CAMKV: variants seen among roughly 807,000 people sequenced by gnomAD.
CAMKV encodes CaM kinase like vesicle associated.
Under a neutral mutation model 50.2 loss-of-function variants are expected in CAMKV, and 5 were observed. That is an observed-to-expected ratio of 0.10 (90% CI 0.05 to 0.21). The LOEUF is 0.21. Ranked by LOEUF, CAMKV falls within the 10% of genes least tolerant of loss-of-function variation. CAMKV has a pLI of 1.00. For missense variants in CAMKV, 361 were observed against 650.5 expected, an observed-to-expected ratio of 0.55 and a Z score of 4.84; for synonymous variants, 229 against 250.1, an observed-to-expected ratio of 0.92 and a Z score of 0.80.
chr3:49,868,413 T>A (rs1226142646), intron 1 of CAMKV, among the ~76,000 whole-genome samples: 1 of 152,092 alleles, frequency 6.6e-6, no homozygotes, highest in African/African-American at 2.4e-5. Flanking sequence ...AGAAACAGGA[T>A]AACCACACAG....
chr3:49,862,398 C>G lies in CAMKV; in HGVS notation c.-10G>C, dbSNP rs200978033. On this transcript the variant is annotated 5_prime_UTR_variant, in exon 2 of 11. Coordinates refer to ENST00000477224, the MANE Select transcript of CAMKV (RefSeq NM_024046.5). The surrounding 1 kb of genome is among the most constrained non-coding windows in gnomAD (Gnocchi z 5.2). ...CACACCCAAACGGCATTGCCAGGCT[C>G]TAACCTGCGGGCACAATGGGGTCTG... The G allele has an allele frequency of 1.4e-5, 23 of 1,613,336 alleles. No individual in the cohort carries two copies. The African/African-American group carries it at 2.7e-4, about 19-fold the overall frequency.
Position 49,860,430 on chromosome 3 carries a change from G to T in CAMKV, c.854+41C>A. 6.2e-7 allele frequency: 1 copy of T among 1,603,018 alleles called. No individual in the cohort carries two copies. Among genetic ancestry groups the T allele is most frequent in the South Asian group, 1.1e-5 (1 of 89,814 alleles). On this transcript the variant is annotated intron_variant, in intron 9 of 10. Coordinates refer to ENST00000477224, the MANE Select transcript of CAMKV (RefSeq NM_024046.5). This position sits in a 1 kb window ranked among gnomAD's most constrained non-coding sequence, Gnocchi z 6.1. Reference sequence around the variant, plus strand: ...AAAGATGGGGCTGCTGGGTGTGAGGGGGACCCTGGCCTCTCCCACCCTCCC... The same window carrying T: ...AAAGATGGGGCTGCTGGGTGTGAGGTGGACCCTGGCCTCTCCCACCCTCCC...
intron 1 of CAMKV, among the ~76,000 whole-genome samples, chr3:49,868,206 G>A (rs1294473380): frequency 6.6e-6 from 1 of 152,126 alleles, no homozygotes; most frequent in South Asian, 2.1e-4. Context: ...CGGATGCCTG[G>A]CTGCTTCCCT....
chr3:49,860,459 G>T lies in CAMKV; in HGVS notation c.854+12C>A. 1 of 1,612,464 alleles carries T rather than the reference G, an allele frequency of 6.2e-7. No homozygotes were observed. The highest frequency in any genetic ancestry group is 8.5e-7 in the Non-Finnish European group (1 of 1,179,228). On this transcript the variant is annotated intron_variant, in intron 9 of 10. Coordinates refer to ENST00000477224, the MANE Select transcript of CAMKV (RefSeq NM_024046.5). The surrounding 1 kb of genome is among the most constrained non-coding windows in gnomAD (Gnocchi z 6.1). Reference sequence around the variant, plus strand: ...CCCTGGCCTCTCCCACCCTCCCCTGGACCCTGCTCACCACTCATGGGAGAT... The same window carrying T: ...CCCTGGCCTCTCCCACCCTCCCCTGTACCCTGCTCACCACTCATGGGAGAT...
Position 49,860,965 on chromosome 3 carries a change from T to C in CAMKV, c.616A>G (p.Ile206Val), listed in dbSNP as rs966029827. 3.1e-6 allele frequency: 5 copies of C among 1,613,988 alleles called. No homozygotes were observed. Among genetic ancestry groups the C allele is most frequent in the African/African-American group, 1.3e-5 (1 of 74,894 alleles). Reference sequence around the variant, plus strand: ...CACAGGATGTACATGATGACTCCAATGGCCCAGCAGTCCACAGGGCGTCCA... The same window carrying C: ...CACAGGATGTACATGATGACTCCAACGGCCCAGCAGTCCACAGGGCGTCCA... ...RYGRPVDCWA[I>V]GVIMYILLSG... Residue 206 changes from isoleucine to valine, a missense_variant, in exon 7 of 11, where the codon ATT becomes GTT. Coordinates refer to ENST00000477224, the MANE Select transcript of CAMKV (RefSeq NM_024046.5). The surrounding 1 kb of genome is among the most constrained non-coding windows in gnomAD (Gnocchi z 6.1).
chr3:49,859,841 G>A lies in CAMKV; in HGVS notation c.983C>T (p.Ala328Val). The change falls in exon 11 of 11, where the codon GCA (alanine) becomes GTA (valine). Residue 328 changes from alanine to valine, a missense_variant. Around this residue, in one of 4 missense-constraint regions of CAMKV, gnomAD observed 87 missense variants for 92.0 expected, o/e 0.95. Transcript: ENST00000477224. The surrounding 1 kb of genome is among the most constrained non-coding windows in gnomAD (Gnocchi z 5.5). The part of the protein sequence containing the change: ...RVTTLMKRLR[A>V]PEQSSTAAAQ... ...TGCAGCCGTGCTGGACTGCTCTGGT[G>A]CCCGGAGCCGTTTCATGAGGGTGGT... is the stretch of plus-strand genomic sequence containing the variant. The A allele has an allele frequency of 6.6e-7, 1 of 1,517,436 alleles. No homozygotes were observed. Among genetic ancestry groups the A allele is most frequent in the East Asian group, 2.3e-5 (1 of 44,194 alleles). The allele number at this position is 1,517,436 out of a possible 1,614,324, so 94.0% of individuals were successfully genotyped here.
At chr3:49,868,239 G>T (rs985675226) in intron 1 of CAMKV, among the ~76,000 whole-genome samples, 2 of 152,048 alleles carry the variant, frequency 1.3e-5, no homozygotes, top group African/African-American at 4.8e-5. Flanking sequence ...TTCTCAGTTG[G>T]CCCAGCTGTA....
At position 49,861,617 on chromosome 3, in the gene CAMKV, CAG is replaced by C. The variant is rs758043738; in HGVS notation, c.303-42_303-41del. The stretch of plus-strand genomic sequence containing the variant: ...CCCCTGAGCCTGGCGTGGGCAGAAT[CAG>C]GGGTAGGGCAGGAGCACTTGGGTGA... On this transcript the variant is annotated intron_variant, in intron 4 of 10. Coordinates refer to ENST00000477224, the MANE Select transcript of CAMKV (RefSeq NM_024046.5). The surrounding 1 kb of genome is among the most constrained non-coding windows in gnomAD (Gnocchi z 7.7). 2.5e-6 allele frequency: 4 copies of C among 1,613,548 alleles called. No individual in the cohort carries two copies. The highest frequency in any genetic ancestry group is 1.3e-5 in the African/African-American group (1 of 75,052).
At chr3:49,865,361 T>A (rs1157423435) in intron 1 of CAMKV, among the ~76,000 whole-genome samples, 1 of 152,162 alleles carries the variant, frequency 6.6e-6, no homozygotes, top group African/African-American at 2.4e-5. Flanking sequence ...GGCAGGAGGA[T>A]GGTACCTTAG....
At chr3:49,864,485 A>T (rs774015976) in intron 1 of CAMKV, among the ~76,000 whole-genome samples, 2 of 152,058 alleles carry the variant, frequency 1.3e-5, no homozygotes, top group Non-Finnish European at 2.9e-5. Context: ...AATCCTGCCA[A>T]TTACAGCCCA....
Position 49,862,149 on chromosome 3 carries a change from G to A in CAMKV, c.123C>T (p.Ala41=). The change falls in exon 3 of 11, where the codon GCC becomes GCT. Residue 41 remains alanine, a synonymous_variant. Coordinates refer to ENST00000477224, the MANE Select transcript of CAMKV (RefSeq NM_024046.5). This position sits in a 1 kb window ranked among gnomAD's most constrained non-coding sequence, Gnocchi z 5.2. ...GCAGCTTGCCTGTCGTCTTGTCCTT[G>A]GCCCGGAAGATTTCACAAAACTCCT... ...KTEEFCEIFR[A]KDKTTGKLHT... is the part of the protein sequence containing the mutation. 1 of 1,614,156 alleles carries A rather than the reference G, an allele frequency of 6.2e-7. No homozygotes were observed.
rs747808274 is a variant in CAMKV, at chr3:49,861,097, G to A, written c.563-79C>T. ...ACCATCCACACCAGCTTCCTGAGAT[G>A]AGCACATTTTCCCCCTGCCCAGAGC... On this transcript the variant is annotated intron_variant, in intron 6 of 10. Coordinates refer to ENST00000477224, the MANE Select transcript of CAMKV (RefSeq NM_024046.5). This position sits in a 1 kb window ranked among gnomAD's most constrained non-coding sequence, Gnocchi z 7.7. The A allele has an allele frequency of 1.9e-6, 3 of 1,602,790 alleles. No individual in the cohort carries two copies. The highest frequency in any genetic ancestry group is 1.3e-5 in the African/African-American group (1 of 74,788).
At position 49,861,247 on chromosome 3, in the gene CAMKV, A is replaced by G. The variant is rs201731947; in HGVS notation, c.495T>C (p.Ser165=). The G allele has an allele frequency of 6.2e-7, 1 of 1,613,982 alleles. No homozygotes were observed. The highest frequency in any genetic ancestry group is 1.3e-5 in the African/African-American group (1 of 74,976). ...TTTCTAGCTTAGCCAGATGGAAGTC[A>G]CTGATGACAATCTTCGAGTTCTTCA... ...NRLKNSKIVI[S]DFHLAKLENG... Residue 165 remains serine, a synonymous_variant, in exon 6 of 11, where the codon AGT becomes AGC. Transcript: ENST00000477224. This position sits in a 1 kb window ranked among gnomAD's most constrained non-coding sequence, Gnocchi z 7.7.
intron 1 of CAMKV, among the ~76,000 whole-genome samples, chr3:49,867,188 G>A (rs766724217): frequency 6.6e-6 from 1 of 152,216 alleles, no homozygotes; most frequent in Non-Finnish European, 1.5e-5. Context: ...TCACCCACAG[G>A]ACCAGGGGAG....
rs747162277 is a variant in CAMKV, at chr3:49,859,813, G to C, written c.1011C>G (p.Ala337=). 2 of 1,544,944 alleles carry C rather than the reference G, an allele frequency of 1.3e-6. No homozygotes were observed. Among genetic ancestry groups the C allele is most frequent in the Non-Finnish European group, 8.7e-7 (1 of 1,149,924 alleles). ...CAGTGTCTGTGGCTGAGGCCGACTG[G>C]GCTGCAGCCGTGCTGGACTGCTCTG... is the stretch of plus-strand genomic sequence containing the variant. ...RAPEQSSTAA[A]QSASATDTAT... The change falls in exon 11 of 11, where the codon GCC becomes GCG. Residue 337 remains alanine, a synonymous_variant. Transcript: ENST00000477224. This position sits in a 1 kb window ranked among gnomAD's most constrained non-coding sequence, Gnocchi z 5.5.
chr3:49,859,550 C>T lies in CAMKV; in HGVS notation c.1274G>A (p.Ser425Asn). 2 of 1,614,168 alleles carry T rather than the reference C, an allele frequency of 1.2e-6. No homozygotes were observed. The highest frequency in any genetic ancestry group is 8.5e-7 in the Non-Finnish European group (1 of 1,180,022). The change falls in exon 11 of 11, where the codon AGC becomes AAC. Residue 425 changes from serine (S) to asparagine (N), a missense_variant. Physicochemically the swap from Ser to Asn is conservative, Grantham distance 46. Around this residue, in one of 4 missense-constraint regions of CAMKV, gnomAD observed 27 missense variants for 59.9 expected, o/e 0.45. Transcript: ENST00000477224. The surrounding 1 kb of genome is among the most constrained non-coding windows in gnomAD (Gnocchi z 5.5). ...TCTCCCATCAGTGGCTGGAGTAGCG[C>T]TCCTGTCAGTGGCTGGGGTGACACT... ...DGSVTPATDRSATPATDGRAT... is the reference protein window; with the variant it reads ...DGSVTPATDRNATPATDGRAT...
Position 49,859,375 on chromosome 3 carries a change from A to C in CAMKV, c.1449T>G (p.Ser483Arg). ...CATAACCAGCAGCCTCTTCCCCTTT[A>C]CTAGAGGGTGGAGCCTGGCCTGTGG... ...EGATGQAPPS[S>R]KGEEAAGYAQ... Residue 483 changes from serine to arginine, a missense_variant, in exon 11 of 11, where the codon AGT becomes AGG. Physicochemically the swap from Ser to Arg is moderately radical, Grantham distance 110 (BLOSUM62 -1). This residue lies in a region of CAMKV where 75 missense variants were observed against 84.2 expected (regional missense o/e 0.89). Coordinates refer to ENST00000477224, the MANE Select transcript of CAMKV (RefSeq NM_024046.5). This position sits in a 1 kb window ranked among gnomAD's most constrained non-coding sequence, Gnocchi z 5.5. 6.4e-7 allele frequency: 1 copy of C among 1,573,240 alleles called. No homozygotes were observed. Among genetic ancestry groups the C allele is most frequent in the Non-Finnish European group, 8.6e-7 (1 of 1,156,796 alleles).
At chr3:49,865,907 G>A (rs925325308) in intron 1 of CAMKV, among the ~76,000 whole-genome samples, 29 of 152,308 alleles carry the variant, frequency 1.9e-4, no homozygotes, top group Admixed American at 1.2e-3. Flanking sequence ...CCCAGCTTTC[G>A]GCTCTGCATA....
Position 49,862,214 on chromosome 3 carries a change from C to G in CAMKV, c.96-38G>C. 1 of 1,614,138 alleles carries G rather than the reference C, an allele frequency of 6.2e-7. No homozygotes were observed. Among genetic ancestry groups the G allele is most frequent in the Non-Finnish European group, 8.5e-7 (1 of 1,180,012 alleles). Reference sequence around the variant, plus strand: ...GGCACCCACTCAGGCCTGGCCTTAGCATCAGCTGCACTCCACTGCCACTTC... The same window carrying G: ...GGCACCCACTCAGGCCTGGCCTTAGGATCAGCTGCACTCCACTGCCACTTC... On this transcript the variant is annotated intron_variant, in intron 2 of 10. Transcript: ENST00000477224. The surrounding 1 kb of genome is among the most constrained non-coding windows in gnomAD (Gnocchi z 5.2).
Sources: allele counts gnomAD v4.1 joint callset (sites outside exome capture counted in the v4.1 genomes callset), GRCh38; gene constraint gnomAD v4.1.1; regional missense constraint gnomAD v4.1.1; non-coding constraint Gnocchi (gnomAD v3.1); transcripts MANE v1.5; gene names NCBI Gene and HGNC (gene_info 2026-07-23, HGNC 2026-07-21).